The following LEPR variants were observed in gnomAD, a reference collection of about 807,000 sequenced individuals.
LEPR encodes OB receptor.
In LEPR, 56 loss-of-function variants were observed where a neutral mutation model predicts 114.7. The ratio of observed to expected loss-of-function variants is 0.49; its 90% CI spans 0.39 to 0.61. The LOEUF (loss-of-function observed/expected upper bound fraction) is 0.61, where lower values mean the gene tolerates loss of function less well. Among genes scored for constraint, LEPR ranks in the 20% least tolerant of loss-of-function variants. LEPR has a pLI of 0.00. For missense variants in LEPR, 1,202 were observed against 1,352.9 expected (o/e 0.89, Z 1.75); for synonymous variants, 443 against 461.4 (o/e 0.96, Z 0.51).
intron 2 of LEPR, among the ~76,000 whole-genome samples, chr1:65,519,038 TTTTC>T (rs1238837242): frequency 3.3e-5 from 5 of 150,806 alleles, no homozygotes; most frequent in Admixed American, 6.6e-5. Flanking sequence ...TCTTCTTTTC[TTTTC>T]TTTCTTTCTC....
intron 5 of LEPR, among the ~76,000 whole-genome samples, chr1:65,578,756 GA>G (rs1654775085): frequency 6.6e-6 from 1 of 152,090 alleles, no homozygotes; most frequent in Non-Finnish European, 1.5e-5. Context: ...TAGGGGGAAG[GA>G]AAAGATTGAG....
intron 10 of LEPR, 109 bp from the exon 11 acceptor site, chr1:65,604,929 G>A (rs1383510828): frequency 1.8e-5 from 24 of 1,365,830 alleles, no homozygotes; most frequent in Non-Finnish European, 2.2e-5. Flanking sequence ...GGTCCCTGGT[G>A]CCAAAAAGGT....
At chr1:65,565,522 T>C (rs1653673375) in intron 2 of LEPR, 24 bp from the exon 3 acceptor site, 1 of 1,613,008 alleles carries the variant, frequency 6.2e-7, no homozygotes, top group Non-Finnish European at 8.5e-7. Flanking sequence ...GTGTGTGTTC[T>C]GATTTTAGAT....
At chr1:65,476,127 T>C (rs1306920367) in intron 2 of LEPR, among the ~76,000 whole-genome samples, 1 of 150,522 alleles carries the variant, frequency 6.6e-6, no homozygotes. Context: ...ATAAATAAGT[T>C]ACTAATTTCC....
chr1:65,450,751 C>G (rs1387127721), intron 2 of LEPR, among the ~76,000 whole-genome samples: 4 of 150,310 alleles, frequency 2.7e-5, no homozygotes, highest in African/African-American at 9.8e-5. Flanking sequence ...GTGCATGTGT[C>G]TTTATAGCAG....
At chr1:65,621,516 CT>C (rs891748258) in intron 18 of LEPR, 58 bp downstream of exon 18, 7 of 1,423,782 alleles carry the variant, frequency 4.9e-6, no homozygotes, top group Non-Finnish European at 6.9e-6. Flanking sequence ...TATTCAAACC[CT>C]GATTTAAAAC....
At position 65,545,057 on chromosome 1, in the gene LEPR, T is replaced by A. The variant is rs1651572413; in HGVS notation, c.-20-20489T>A. 2.0e-5 allele frequency among the ~76,000 whole-genome samples: 3 copies of A among 150,260 alleles called. No homozygotes were observed. In the South Asian group the frequency reaches 6.4e-4, roughly 32 times the overall value. ...CACCTATGAGTGAGAATATGCGGTGTTTGGTTTTTTGTTCTTGCGATAGTT... is the reference window on the plus strand; with the variant it reads ...CACCTATGAGTGAGAATATGCGGTGATTGGTTTTTTGTTCTTGCGATAGTT... On this transcript the variant is annotated intron_variant, in intron 2 of 19. Coordinates refer to ENST00000349533, the MANE Select transcript of LEPR (RefSeq NM_002303.6).
chr1:65,576,499 A>G (rs1440152191), intron 5 of LEPR: 1 of 154,706 alleles, frequency 6.5e-6, no homozygotes, highest in African/African-American at 2.5e-5. Context: ...GAGCCTTCCA[A>G]GTTGAAGGAC....
Position 65,633,127 on chromosome 1 carries a change from AT to A in LEPR, c.2674-3060del. 1 of 1,454,978 alleles carries A rather than the reference AT, an allele frequency of 6.9e-7. No individual in the cohort carries two copies. The highest frequency in any genetic ancestry group is 9.6e-7 in the Non-Finnish European group (1 of 1,040,402). 90.1% of individuals were successfully genotyped at this position (1,454,978 alleles called of 1,614,324 possible). A position where few individuals can be genotyped will look rare whatever the true frequency, so the allele number is the denominator to read the frequency against. On this transcript the variant is annotated intron_variant, in intron 19 of 19. Coordinates refer to ENST00000349533, the MANE Select transcript of LEPR (RefSeq NM_002303.6). The surrounding 1 kb of genome is among the most constrained non-coding windows in gnomAD (Gnocchi z 4.1). ...GAGTGATTTTTTATTTTGCTTTCTT[AT>A]TTTGTTTTATTTTATCTAAACAGAG...
At chr1:65,572,552 C>A in intron 5 of LEPR, 103 bp downstream of exon 5, 1 of 1,179,892 alleles carries the variant, frequency 8.5e-7, no homozygotes, top group Non-Finnish European at 1.2e-6. Context: ...CCTACATTTC[C>A]TATTATATGT....
At chr1:65,461,771 C>A (rs1646949219) in intron 2 of LEPR, among the ~76,000 whole-genome samples, 1 of 152,164 alleles carries the variant, frequency 6.6e-6, no homozygotes, top group South Asian at 2.1e-4. Flanking sequence ...GTGGAAAAAT[C>A]TGACAAACCC....
At chr1:65,466,016 C>T (rs1032399943) in intron 2 of LEPR, among the ~76,000 whole-genome samples, 6 of 152,098 alleles carry the variant, frequency 3.9e-5, no homozygotes, top group Admixed American at 3.3e-4. Context: ...GGGCATTTAG[C>T]CCATTTACAT....
chr1:65,480,393 C>G (rs116235213), intron 2 of LEPR, among the ~76,000 whole-genome samples: 2,237 of 152,140 alleles, frequency 0.015, 55 homozygotes, highest in African/African-American at 0.05. Context: ...GAACCAGGAG[C>G]TGCATGGAGA....
intron 2 of LEPR, chr1:65,525,548 G>A (rs1649885801): frequency 1.2e-6 from 1 of 855,344 alleles, no homozygotes; most frequent in Non-Finnish European, 1.4e-6. Context: ...CTCCCGCTCA[G>A]GGGCGGCTGC....
intron 5 of LEPR, among the ~76,000 whole-genome samples, chr1:65,589,332 T>C (rs1323618862): frequency 6.6e-6 from 1 of 152,080 alleles, no homozygotes; most frequent in East Asian, 1.9e-4. Context: ...TTTTATCAGA[T>C]AGATAATTGG....
intron 2 of LEPR, among the ~76,000 whole-genome samples, chr1:65,491,022 AT>A (rs758223701): frequency 6.6e-6 from 1 of 152,142 alleles, no homozygotes; most frequent in Non-Finnish European, 1.5e-5. Context: ...AGAGAATGCT[AT>A]TTGGAAATCA....
At chr1:65,466,936 T>C (rs567603763) in intron 2 of LEPR, among the ~76,000 whole-genome samples, 2 of 152,284 alleles carry the variant, frequency 1.3e-5, no homozygotes, top group South Asian at 2.1e-4. Flanking sequence ...TCTTCTCACC[T>C]TTTTTCAAGG....
At chr1:65,550,647 C>T (rs908367647) in intron 2 of LEPR, among the ~76,000 whole-genome samples, 12 of 152,172 alleles carry the variant, frequency 7.9e-5, no homozygotes, top group Admixed American at 1.3e-4. Flanking sequence ...TCTCCTGGTG[C>T]GCCCTTTCCT....
At chr1:65,525,652 C>T (rs1649894864) in intron 2 of LEPR, 3 of 985,602 alleles carry the variant, frequency 3.0e-6, no homozygotes, top group Non-Finnish European at 3.6e-6. Context: ...TCCCCACGCA[C>T]TCGGCTGCCC....
Sources: gnomAD v4.1 joint callset for allele counts (sites outside exome capture counted in the v4.1 genomes callset) on GRCh38, gnomAD v4.1.1 for gene constraint, Gnocchi (gnomAD v3.1) non-coding constraint, MANE v1.5 for transcripts, NCBI Gene and HGNC (gene_info 2026-07-23, HGNC 2026-07-21) for gene names.